MED13L: variants seen among roughly 807,000 people sequenced by gnomAD.
The protein encoded by MED13L is mediator complex subunit 13L.
A neutral mutation model predicts 220.9 loss-of-function variants in MED13L; 7 were observed. The observed-to-expected ratio is 0.03, with a 90% CI of 0.02 to 0.06. The LOEUF (loss-of-function observed/expected upper bound fraction) is 0.06, where lower values mean the gene tolerates loss of function less well. Among genes scored for constraint, MED13L ranks in the 10% least tolerant of loss-of-function variants. The pLI is 1.00. For missense variants in MED13L, 1,965 were observed against 2,760.5 expected (o/e 0.71, Z 6.46); for synonymous variants, 1,011 against 1,015.2 (o/e 1.00, Z 0.08).
Position 116,132,579 on chromosome 12 carries a change from C to T in MED13L, c.311-21067G>A, listed in dbSNP as rs192476075. On this transcript the variant is annotated intron_variant, in intron 2 of 30. Coordinates refer to ENST00000281928, the MANE Select transcript of MED13L (RefSeq NM_015335.5). The stretch of plus-strand genomic sequence containing the variant: ...TCTTTTCTACTTGCTTTTTTTTTTC[C>T]CTTGCAATTTCACTATATGCTAATT... Among the ~76,000 whole-genome samples the T allele has an allele frequency of 7.4e-3, 1,123 of 150,958 alleles. 10 individuals carry two copies. Among genetic ancestry groups the T allele is most frequent in the African/African-American group, 0.026 (1,084 of 41,114 alleles).
chr12:115,969,945 AT>A (rs1388502298), intron 27 of MED13L, among the ~76,000 whole-genome samples: 1 of 152,030 alleles, frequency 6.6e-6, no homozygotes, highest in Non-Finnish European at 1.5e-5. Flanking sequence ...CACCATGATC[AT>A]TTTTTTCTAT....
At chr12:116,129,650 T>A (rs1875892729) in intron 2 of MED13L, among the ~76,000 whole-genome samples, 1 of 152,186 alleles carries the variant, frequency 6.6e-6, no homozygotes, top group Admixed American at 6.5e-5. Flanking sequence ...GGCTCACGCC[T>A]GTAATCCCAG....
At chr12:116,236,401 C>T (rs1870084103) in intron 2 of MED13L, among the ~76,000 whole-genome samples, 2 of 151,906 alleles carry the variant, frequency 1.3e-5, no homozygotes, top group African/African-American at 4.8e-5. Flanking sequence ...CCAAGAAAAA[C>T]TAGCAAGGTG....
At chr12:115,978,003 A>G (rs1055676187) in intron 23 of MED13L, among the ~76,000 whole-genome samples, 16 of 152,114 alleles carry the variant, frequency 1.1e-4, no homozygotes, top group African/African-American at 3.9e-4. Context: ...CTCAAAAATA[A>G]AAATAAAAAA....
At chr12:116,085,393 A>G (rs1393916024) in intron 4 of MED13L, among the ~76,000 whole-genome samples, 1 of 152,216 alleles carries the variant, frequency 6.6e-6, no homozygotes, top group Non-Finnish European at 1.5e-5. Flanking sequence ...CAATTAGAAA[A>G]TAGTTTAAAA....
intron 2 of MED13L, among the ~76,000 whole-genome samples, chr12:116,194,924 G>A (rs1006737350): frequency 6.6e-6 from 1 of 152,094 alleles, no homozygotes; most frequent in Non-Finnish European, 1.5e-5. Context: ...ACAGAGAGTG[G>A]GCAGAAGGTA....
chr12:116,043,813 G>A (rs1881675116), intron 4 of MED13L, among the ~76,000 whole-genome samples: 1 of 152,306 alleles, frequency 6.6e-6, no homozygotes, highest in Admixed American at 6.5e-5. Context: ...CAAACAGTGG[G>A]GAAGGGGAAA....
chr12:116,040,979 C>T (rs1485393905), intron 4 of MED13L, among the ~76,000 whole-genome samples: 1 of 152,162 alleles, frequency 6.6e-6, no homozygotes, highest in African/African-American at 2.4e-5. Flanking sequence ...AAGCCCATTT[C>T]CCCTAAAAAC....
intron 16 of MED13L, among the ~76,000 whole-genome samples, chr12:115,993,831 T>C (rs926010096): frequency 6.6e-5 from 10 of 152,178 alleles, no homozygotes; most frequent in Non-Finnish European, 1.2e-4. Context: ...GTAGCAACCC[T>C]ACGCTAGAAG....
intron 4 of MED13L, among the ~76,000 whole-genome samples, chr12:116,087,771 A>T (rs1385438438): frequency 6.6e-6 from 1 of 152,216 alleles, no homozygotes; most frequent in East Asian, 1.9e-4. Context: ...GGCTGTTAAG[A>T]AACATTTGTA....
chr12:116,031,576 A>G (rs1880740211), intron 4 of MED13L, among the ~76,000 whole-genome samples: 2 of 123,662 alleles, frequency 1.6e-5, no homozygotes, highest in South Asian at 5.9e-4. Context: ...TGGGCAACAG[A>G]GCGAGACTCT....
chr12:115,963,004 G>A (rs971091039), intron 30 of MED13L, among the ~76,000 whole-genome samples: 1 of 152,212 alleles, frequency 6.6e-6, no homozygotes, highest in African/African-American at 2.4e-5. Context: ...CTGGGTGACA[G>A]AGCGAGACTC....
chr12:116,171,505 C>T (rs2138184693), intron 2 of MED13L, among the ~76,000 whole-genome samples: 1 of 152,266 alleles, frequency 6.6e-6, no homozygotes, highest in Middle Eastern at 3.4e-3. Context: ...CCTCTCTAGG[C>T]TAAACAAATC....
chr12:115,970,573 C>A (rs1212626719), intron 27 of MED13L, 21 bp downstream of exon 27: 5 of 1,611,196 alleles, frequency 3.1e-6, no homozygotes, highest in Admixed American at 1.7e-5. Flanking sequence ...TGAGCACTAT[C>A]CATACAGGTC....
chr12:116,115,169 T>C (rs956233817), intron 2 of MED13L, among the ~76,000 whole-genome samples: 2 of 152,174 alleles, frequency 1.3e-5, no homozygotes, highest in Middle Eastern at 3.4e-3. Context: ...TTAGTATGAA[T>C]TAGGATAGAG....
At chr12:115,993,784 G>A (rs1467608652) in intron 16 of MED13L, among the ~76,000 whole-genome samples, 3 of 152,198 alleles carry the variant, frequency 2.0e-5, no homozygotes, top group African/African-American at 4.8e-5. Flanking sequence ...GGTTTATCTT[G>A]TAATCTGATT....
intron 2 of MED13L, among the ~76,000 whole-genome samples, chr12:116,205,531 A>C (rs926941677): frequency 1.9e-5 from 2 of 104,018 alleles, no homozygotes; most frequent in Admixed American, 9.4e-5. Context: ...ACAAAGGAAG[A>C]GAAAAAAAAA....
chr12:116,107,986 A>G (rs923952901), intron 3 of MED13L, among the ~76,000 whole-genome samples: 1 of 152,068 alleles, frequency 6.6e-6, no homozygotes, highest in African/African-American at 2.4e-5. Flanking sequence ...GCTGCTTAGG[A>G]GGCTGAGGCA....
intron 1 of MED13L, among the ~76,000 whole-genome samples, chr12:116,264,981 A>G (rs1345039881): frequency 1.3e-5 from 2 of 152,184 alleles, no homozygotes; most frequent in Non-Finnish European, 2.9e-5. Context: ...CACCATCTCT[A>G]GATTGATTAG....
Sources: allele counts gnomAD v4.1 joint callset (sites outside exome capture counted in the v4.1 genomes callset), GRCh38; gene constraint gnomAD v4.1.1; transcripts MANE v1.5; gene names NCBI Gene and HGNC (gene_info 2026-07-23, HGNC 2026-07-21).